CAAP1: variants seen among roughly 807,000 people sequenced by gnomAD.
CAAP1 encodes the protein caspase activity and apoptosis inhibitor 1.
In CAAP1, 20 loss-of-function variants were observed where a neutral mutation model predicts 34.0. The observed-to-expected ratio is 0.59, with a 90% CI of 0.41 to 0.86. The LOEUF (loss-of-function observed/expected upper bound fraction) is 0.86. Among genes scored for constraint, CAAP1 ranks in the 40% least tolerant of loss-of-function variants. CAAP1 has a pLI of 0.00. For missense variants in CAAP1, 538 were observed against 450.5 expected, an observed-to-expected ratio of 1.19 and a Z score of -1.76; for synonymous variants, 213 against 166.7, an observed-to-expected ratio of 1.28 and a Z score of -2.14.
intron 4 of CAAP1, among the ~76,000 whole-genome samples, chr9:26,878,388 AC>A (rs1396373211): frequency 3.3e-5 from 5 of 152,102 alleles, no homozygotes. Context: ...TTTAGTAGCT[AC>A]TCCAAAACTG....
intron 5 of CAAP1, among the ~76,000 whole-genome samples, chr9:26,858,794 G>C (rs1034968513): frequency 2.0e-5 from 3 of 146,504 alleles, no homozygotes; most frequent in Admixed American, 6.9e-5. Context: ...CTGCACTCCA[G>C]CCTGGGCGAC....
intron 4 of CAAP1, among the ~76,000 whole-genome samples, chr9:26,863,934 G>C (rs1201676225): frequency 1.3e-5 from 2 of 152,086 alleles, no homozygotes; most frequent in Non-Finnish European, 2.9e-5. Context: ...TAGGGCTACA[G>C]ATGTACACCA....
Position 26,886,114 on chromosome 9 carries a change from CT to C in CAAP1, c.578del (p.Lys193ArgfsTer27). On this transcript the variant is annotated frameshift_variant, in exon 3 of 6. Coordinates refer to ENST00000333916, the MANE Select transcript of CAAP1 (RefSeq NM_024828.4). LOFTEE classifies it high-confidence loss of function. ...LELLSEKKILKILEGDNGMDS... is the reference protein window; with the variant it reads ...LELLSEKKILXILEGDNGMDS... ...AATATGTATTCTTACCCTCAAGAAT[CT>C]TCAAAATTTTTTTTTCAGACAGGAG... The C allele has an allele frequency of 6.5e-7, 1 of 1,544,420 alleles. No homozygotes were observed. Among genetic ancestry groups the C allele is most frequent in the South Asian group, 1.3e-5 (1 of 77,420 alleles).
chr9:26,856,068 C>T (rs918575607), intron 5 of CAAP1, among the ~76,000 whole-genome samples: 3 of 152,046 alleles, frequency 2.0e-5, no homozygotes, highest in Non-Finnish European at 4.4e-5. Flanking sequence ...CCCTCCTCGG[C>T]CTCCTAAAAC....
chr9:26,886,998 G>A (rs1278916092), intron 2 of CAAP1, among the ~76,000 whole-genome samples: 1 of 152,156 alleles, frequency 6.6e-6, no homozygotes, highest in African/African-American at 2.4e-5. Flanking sequence ...GGCAGATCAC[G>A]AGGTCAGGAG....
At chr9:26,862,226 G>A (rs906531292) in intron 4 of CAAP1, among the ~76,000 whole-genome samples, 41 of 152,140 alleles carry the variant, frequency 2.7e-4, no homozygotes, top group Non-Finnish European at 6.0e-4. Context: ...AAGATTAAAT[G>A]CCAGTATACT....
At chr9:26,868,746 T>C (rs1379139903) in intron 4 of CAAP1, among the ~76,000 whole-genome samples, 1 of 152,162 alleles carries the variant, frequency 6.6e-6, no homozygotes, top group Non-Finnish European at 1.5e-5. Context: ...ACAGGACAAC[T>C]TACCTACTTT....
chr9:26,849,449 C>G (rs541590260), intron 5 of CAAP1, among the ~76,000 whole-genome samples: 11 of 152,280 alleles, frequency 7.2e-5, no homozygotes, highest in Admixed American at 7.2e-4. Flanking sequence ...TTAAAGTTAA[C>G]TTTAGTTCTT....
chr9:26,885,399 T>C (rs1388620693), intron 3 of CAAP1, among the ~76,000 whole-genome samples: 1 of 152,114 alleles, frequency 6.6e-6, no homozygotes, highest in Non-Finnish European at 1.5e-5. Context: ...TTCTCTATTA[T>C]ATAAATGTAT....
intron 5 of CAAP1, among the ~76,000 whole-genome samples, chr9:26,854,835 CAA>C (rs1822830775): frequency 6.6e-6 from 1 of 152,064 alleles, no homozygotes; most frequent in African/African-American, 2.4e-5. Context: ...GCATAAGAAA[CAA>C]GAGATTACTT....
chr9:26,882,425 G>A (rs1438020307), intron 4 of CAAP1, among the ~76,000 whole-genome samples: 1 of 152,188 alleles, frequency 6.6e-6, no homozygotes, highest in Non-Finnish European at 1.5e-5. Flanking sequence ...TCCATGTGGG[G>A]TTGAGCCTGC....
intron 4 of CAAP1, among the ~76,000 whole-genome samples, chr9:26,867,230 T>C (rs1563885782): frequency 6.6e-6 from 1 of 152,174 alleles, no homozygotes; most frequent in Non-Finnish European, 1.5e-5. Flanking sequence ...CGCTGCTCTA[T>C]AGAAGACACT....
intron 5 of CAAP1, among the ~76,000 whole-genome samples, chr9:26,844,117 G>C (rs576701089): frequency 1.3e-5 from 2 of 152,274 alleles, no homozygotes; most frequent in African/African-American, 4.8e-5. Context: ...CAGCACTTTG[G>C]GAGGCTGAGG....
At chr9:26,843,487 TTTTTA>T (rs1177598173) in intron 5 of CAAP1, among the ~76,000 whole-genome samples, 5 of 152,128 alleles carry the variant, frequency 3.3e-5, no homozygotes, top group East Asian at 3.8e-4. Context: ...CTTTTTTTTC[TTTTTA>T]TTTTATTATT....
chr9:26,889,156 C>G (rs1823835568), intron 1 of CAAP1, among the ~76,000 whole-genome samples: 1 of 152,200 alleles, frequency 6.6e-6, no homozygotes, highest in African/African-American at 2.4e-5. Flanking sequence ...GTGGCTCACG[C>G]CTGTAATCCC....
chr9:26,885,894 T>C (rs1823726393), intron 3 of CAAP1, among the ~76,000 whole-genome samples: 1 of 152,220 alleles, frequency 6.6e-6, no homozygotes, highest in African/African-American at 2.4e-5. Context: ...TATATACACT[T>C]GACCTGGAAA....
chr9:26,870,406 T>G (rs1193199250), intron 4 of CAAP1, among the ~76,000 whole-genome samples: 1 of 151,696 alleles, frequency 6.6e-6, no homozygotes, highest in Admixed American at 6.6e-5. Flanking sequence ...TTTCTCTACG[T>G]AGAGTTAAGC....
chr9:26,847,108 T>C (rs1340323413), intron 5 of CAAP1, among the ~76,000 whole-genome samples: 2 of 151,740 alleles, frequency 1.3e-5, no homozygotes, highest in East Asian at 3.9e-4. Context: ...TAAAAATATA[T>C]CTTGGTCATT....
chr9:26,884,110 A>G (rs1726679662), intron 4 of CAAP1, among the ~76,000 whole-genome samples: 2 of 152,180 alleles, frequency 1.3e-5, no homozygotes, highest in South Asian at 4.1e-4. Context: ...CAAATCTCTT[A>G]TATTCTTCAG....
Sources: gnomAD v4.1 joint callset for allele counts (sites outside exome capture counted in the v4.1 genomes callset) on GRCh38, gnomAD v4.1.1 for gene constraint, MANE v1.5 for transcripts, NCBI Gene and HGNC (gene_info 2026-07-23, HGNC 2026-07-21) for gene names.